NEGR1: variants seen among roughly 807,000 people sequenced by gnomAD.
NEGR1 encodes the protein IgLON family member 4.
A neutral mutation model predicts 40.9 loss-of-function variants in NEGR1; 10 were observed. The ratio of observed to expected loss-of-function variants is 0.24; its 90% CI spans 0.15 to 0.42. The LOEUF (loss-of-function observed/expected upper bound fraction) is 0.42. Ranked by LOEUF, NEGR1 falls within the 10% of genes least tolerant of loss-of-function variation. The pLI is 1.00. For synonymous variants in NEGR1, 185 were observed against 166.8 expected (o/e 1.11, Z -0.84); for missense variants, 352 against 438.9 (o/e 0.80, Z 1.77).
rs578154317 is a variant in NEGR1 at position 72,035,496 on chromosome 1, G to A, written c.177-100185C>T. 1.2e-4 allele frequency among the ~76,000 whole-genome samples: 18 copies of A among 152,250 alleles called. No homozygotes were observed. The South Asian group carries it at 2.7e-3, about 23-fold the overall frequency. ...TTGAATGTTTGTTTAAATTCAAACA[G>A]CTACTAAACATGGCATTCAGACTCA... On this transcript the variant is annotated intron_variant, in intron 1 of 6. Transcript: ENST00000357731.
At chr1:72,090,348 A>G (rs1365940084) in intron 1 of NEGR1, among the ~76,000 whole-genome samples, 2 of 148,834 alleles carry the variant, frequency 1.3e-5, no homozygotes, top group African/African-American at 5.1e-5. Flanking sequence ...CAGTTTATAA[A>G]ATAATTCTTT....
At chr1:71,416,223 TG>T (rs764526242) in intron 6 of NEGR1, among the ~76,000 whole-genome samples, 1 of 152,150 alleles carries the variant, frequency 6.6e-6, no homozygotes, top group Non-Finnish European at 1.5e-5. Context: ...ATCTTATACA[TG>T]TGGGTATGTG....
At chr1:71,851,715 T>C (rs1294111988) in intron 2 of NEGR1, among the ~76,000 whole-genome samples, 2 of 152,138 alleles carry the variant, frequency 1.3e-5, no homozygotes, top group Non-Finnish European at 1.5e-5. Flanking sequence ...AACTGTAGCA[T>C]TTGAGTGGGA....
intron 1 of NEGR1, among the ~76,000 whole-genome samples, chr1:72,073,821 A>G (rs1448071092): frequency 1.3e-5 from 2 of 152,054 alleles, no homozygotes; most frequent in African/African-American, 2.4e-5. Flanking sequence ...ATAAAAAACA[A>G]GAAGAGACAT....
At chr1:71,870,649 T>C (rs1239401536) in intron 2 of NEGR1, among the ~76,000 whole-genome samples, 1 of 152,192 alleles carries the variant, frequency 6.6e-6, no homozygotes, top group Non-Finnish European at 1.5e-5. Context: ...GATTAAGTAA[T>C]ACTTTTATTA....
At chr1:71,928,463 T>TATATATACAC (rs1332226901) in intron 2 of NEGR1, among the ~76,000 whole-genome samples, 19 of 110,080 alleles carry the variant, frequency 1.7e-4, no homozygotes, top group African/African-American at 4.7e-4. Flanking sequence ...TATACACACA[T>TATATATACAC]ACTTATATAT....
chr1:71,924,332 T>C (rs1009556988), intron 2 of NEGR1, among the ~76,000 whole-genome samples: 1 of 152,218 alleles, frequency 6.6e-6, no homozygotes, highest in African/African-American at 2.4e-5. Context: ...ATAGTTGGTA[T>C]TGAATTAAAG....
intron 1 of NEGR1, chr1:72,274,589 A>C (rs1273797176): frequency 1.3e-6 from 1 of 777,950 alleles, no homozygotes; most frequent in Non-Finnish European, 2.4e-6. Context: ...AGATATGGCG[A>C]AAGCCCATAC....
chr1:71,895,401 A>T (rs1269850333), intron 2 of NEGR1, among the ~76,000 whole-genome samples: 4 of 152,190 alleles, frequency 2.6e-5, no homozygotes, highest in African/African-American at 9.7e-5. Context: ...TGTAAGCATC[A>T]TATTTTCATC....
intron 6 of NEGR1, among the ~76,000 whole-genome samples, chr1:71,569,730 A>G (rs190586435): frequency 6.6e-6 from 1 of 152,350 alleles, no homozygotes; most frequent in Admixed American, 6.5e-5. Flanking sequence ...AGAGAGCTGC[A>G]GTGTGACTTG....
At chr1:71,616,732 C>A (rs1230264655) in intron 4 of NEGR1, among the ~76,000 whole-genome samples, 1 of 152,168 alleles carries the variant, frequency 6.6e-6, no homozygotes, top group Non-Finnish European at 1.5e-5. Flanking sequence ...ACACTGCGCA[C>A]TTGTCTCAGT....
chr1:71,780,416 C>T (rs1037024801), intron 2 of NEGR1, among the ~76,000 whole-genome samples: 1 of 152,078 alleles, frequency 6.6e-6, no homozygotes, highest in African/African-American at 2.4e-5. Flanking sequence ...AGGCAGAAGT[C>T]CTAGATTTCA....
intron 1 of NEGR1, among the ~76,000 whole-genome samples, chr1:72,214,560 T>G (rs1388765297): frequency 6.6e-6 from 1 of 152,100 alleles, no homozygotes; most frequent in Admixed American, 6.6e-5. Flanking sequence ...CAAGCATTCC[T>G]ATACACCAAT....
At chr1:71,667,692 T>C (rs1652288280) in intron 4 of NEGR1, among the ~76,000 whole-genome samples, 1 of 152,226 alleles carries the variant, frequency 6.6e-6, no homozygotes, top group African/African-American at 2.4e-5. Context: ...AAATTTTTAA[T>C]TTACCATTGA....
At chr1:71,438,787 C>A (rs1646527278) in intron 6 of NEGR1, among the ~76,000 whole-genome samples, 1 of 152,110 alleles carries the variant, frequency 6.6e-6, no homozygotes, top group African/African-American at 2.4e-5. Flanking sequence ...GAGCACCTGG[C>A]CCCATTTGAT....
intron 2 of NEGR1, among the ~76,000 whole-genome samples, chr1:71,824,491 T>A (rs1263178573): frequency 1.3e-5 from 2 of 151,806 alleles, no homozygotes; most frequent in Non-Finnish European, 2.9e-5. Context: ...CTTTTGCAAA[T>A]GGAGAAAGGA....
At chr1:71,792,946 C>A (rs1281588521) in intron 2 of NEGR1, among the ~76,000 whole-genome samples, 6 of 151,932 alleles carry the variant, frequency 3.9e-5, no homozygotes, top group Non-Finnish European at 5.9e-5. Flanking sequence ...TGGCAGACAA[C>A]TAAATTATGA....
chr1:72,168,005 A>ATTTTT (rs10633272), intron 1 of NEGR1, among the ~76,000 whole-genome samples: 41 of 139,684 alleles, frequency 2.9e-4, no homozygotes, highest in African/African-American at 1.0e-3. Context: ...TATTATTATT[A>ATTTTT]TTTTTTTTTT....
chr1:72,116,091 T>A (rs190124036), intron 1 of NEGR1, among the ~76,000 whole-genome samples: 1 of 151,840 alleles, frequency 6.6e-6, no homozygotes, highest in East Asian at 1.9e-4. Context: ...ATTACTGTAT[T>A]ATTATCAGTG....
Sources: allele counts gnomAD v4.1 joint callset (sites outside exome capture counted in the v4.1 genomes callset), GRCh38; gene constraint gnomAD v4.1.1; transcripts MANE v1.5; gene names NCBI Gene and HGNC (gene_info 2026-07-23, HGNC 2026-07-21).